Variants in PDE4D observed in about 807,000 individuals in gnomAD.
PDE4D encodes the protein 3',5'-cyclic-AMP phosphodiesterase 4D.
PDE4D carries 24 observed loss-of-function variants against 87.4 expected under a neutral mutation model. The observed-to-expected ratio is 0.27, with a 90% confidence interval of 0.20 to 0.39. The LOEUF (loss-of-function observed/expected upper bound fraction) is 0.39. Among genes scored for constraint, PDE4D ranks in the 10% least tolerant of loss-of-function variants. PDE4D has a pLI of 1.00. For synonymous variants in PDE4D, 384 were observed against 383.2 expected (o/e 1.00, Z -0.02); for missense variants, 714 against 1,041.0 (o/e 0.69, Z 4.32).
intron 1 of PDE4D, among the ~76,000 whole-genome samples, chr5:59,445,132 A>G (rs992829032): frequency 2.6e-5 from 4 of 152,196 alleles, no homozygotes; most frequent in Non-Finnish European, 5.9e-5. Flanking sequence ...CTCTTTACGA[A>G]GCACTAAACC....
At chr5:60,239,483 ACTCTTGT>A (rs1235955492) in intron 1 of PDE4D, among the ~76,000 whole-genome samples, 1 of 152,018 alleles carries the variant, frequency 6.6e-6, no homozygotes. Flanking sequence ...CAACAAAACC[ACTCTTGT>A]GTGAGCTCTT....
chr5:60,167,354 G>A (rs1323238938), intron 2 of PDE4D, among the ~76,000 whole-genome samples: 4 of 135,414 alleles, frequency 3.0e-5, no homozygotes, highest in African/African-American at 5.5e-5. Flanking sequence ...TGCAGGCTCC[G>A]CCCCCTGGGG....
At chr5:60,166,726 AT>A (rs35155097) in intron 2 of PDE4D, among the ~76,000 whole-genome samples, 14 of 151,860 alleles carry the variant, frequency 9.2e-5, no homozygotes, top group African/African-American at 2.7e-4. Flanking sequence ...TCCATTAAGC[AT>A]TTTTTTTAAC....
At chr5:59,954,457 C>T (rs1758622257) in intron 3 of PDE4D, among the ~76,000 whole-genome samples, 1 of 152,032 alleles carries the variant, frequency 6.6e-6, no homozygotes, top group African/African-American at 2.4e-5. Context: ...CAGGATTCAG[C>T]ATGAAAGAGT....
At chr5:59,116,886 G>A (rs1336354048) in intron 5 of PDE4D, among the ~76,000 whole-genome samples, 1 of 152,204 alleles carries the variant, frequency 6.6e-6, no homozygotes, top group East Asian at 1.9e-4. Flanking sequence ...TTTCAAGCAA[G>A]TTTTTAAAAA....
At chr5:59,703,759 G>GTC (rs1752964831) in intron 1 of PDE4D, 1 of 375,656 alleles carries the variant, frequency 2.7e-6, no homozygotes, top group African/African-American at 2.1e-5. Flanking sequence ...GCAGGGCTCT[G>GTC]TCTGTCCTCT....
In PDE4D at chr5:59,985,070, G is replaced by A. The variant is rs140782398; in HGVS notation, c.272+3418C>T. 2.0e-5 allele frequency among the ~76,000 whole-genome samples: 3 copies of A among 151,734 alleles called. No individual in the cohort carries two copies. In the East Asian group the frequency reaches 5.8e-4, roughly 29 times the overall value. On this transcript the variant is annotated intron_variant, in intron 3 of 16. Coordinates refer to the PDE4D transcript ENST00000502484. ...TTTCTGACAGCTGTAAAGGAATCTGGGGCTCCTGGTTAACTAAAATGGCTA... is the reference window on the plus strand; with the variant it reads ...TTTCTGACAGCTGTAAAGGAATCTGAGGCTCCTGGTTAACTAAAATGGCTA...
chr5:59,066,401 G>A (rs750721001), intron 5 of PDE4D, among the ~76,000 whole-genome samples: 8 of 152,120 alleles, frequency 5.3e-5, no homozygotes, highest in Non-Finnish European at 1.0e-4. Context: ...TAGATGGGGA[G>A]GGGACCCAGG....
At chr5:60,423,724 C>T (rs1276043746) in intron 1 of PDE4D, among the ~76,000 whole-genome samples, 3 of 151,810 alleles carry the variant, frequency 2.0e-5, no homozygotes, top group African/African-American at 7.3e-5. Flanking sequence ...TAGAGACACA[C>T]AAAAAACCCT....
At chr5:60,111,589 C>A (rs1456878902) in intron 2 of PDE4D, among the ~76,000 whole-genome samples, 1 of 151,936 alleles carries the variant, frequency 6.6e-6, no homozygotes, top group Non-Finnish European at 1.5e-5. Flanking sequence ...TCTGGACATA[C>A]ATCTTCCCCC....
chr5:60,049,213 C>G (rs1472820906), intron 2 of PDE4D, among the ~76,000 whole-genome samples: 1 of 152,164 alleles, frequency 6.6e-6, no homozygotes, highest in African/African-American at 2.4e-5. Context: ...GTTTTCAGCT[C>G]CATCAGCTCC....
At chr5:59,185,160 A>C in intron 4 of PDE4D, 29 bp downstream of exon 4, 1 of 1,574,702 alleles carries the variant, frequency 6.4e-7, no homozygotes, top group Non-Finnish European at 8.7e-7. Context: ...AGTTCAGCAA[A>C]AAAGAGGGGG....
intron 1 of PDE4D, among the ~76,000 whole-genome samples, chr5:59,645,547 T>G (rs2150212190): frequency 6.6e-6 from 1 of 152,306 alleles, no homozygotes; most frequent in Middle Eastern, 3.4e-3. Context: ...GTTCTCAGTC[T>G]CTTCCCTGTA....
intron 1 of PDE4D, among the ~76,000 whole-genome samples, chr5:59,759,727 C>T (rs1761741488): frequency 6.6e-6 from 1 of 152,156 alleles, no homozygotes; most frequent in African/African-American, 2.4e-5. Flanking sequence ...TTAGGGCTGA[C>T]TGGTCTTCCC....
chr5:59,870,705 C>A (rs1280073692), intron 1 of PDE4D, among the ~76,000 whole-genome samples: 4 of 152,150 alleles, frequency 2.6e-5, no homozygotes, highest in Non-Finnish European at 2.9e-5. Flanking sequence ...CATTTGGGAT[C>A]ACAAACGATT....
At chr5:59,295,556 T>G (rs1004538617) in intron 1 of PDE4D, among the ~76,000 whole-genome samples, 3 of 152,150 alleles carry the variant, frequency 2.0e-5, no homozygotes, top group African/African-American at 7.2e-5. Context: ...GTTCGTAACA[T>G]CAGGCAGAGA....
At chr5:59,983,741 C>A (rs557126771) in intron 3 of PDE4D, among the ~76,000 whole-genome samples, 93 of 152,298 alleles carry the variant, frequency 6.1e-4, no homozygotes, top group African/African-American at 2.2e-3. Flanking sequence ...ACTGTACCTA[C>A]TACGTATTGC....
chr5:59,027,352 TAC>T (rs939577171), intron 6 of PDE4D, among the ~76,000 whole-genome samples: 3 of 152,220 alleles, frequency 2.0e-5, no homozygotes, highest in Non-Finnish European at 2.9e-5. Flanking sequence ...GTTTCTCCAC[TAC>T]AGTTTCTTTT....
chr5:60,489,786 A>C (rs1749426262), upstream of PDE4D: 1 of 152,158 alleles, frequency 6.6e-6, no homozygotes, highest in African/African-American at 2.4e-5. Flanking sequence ...CAAGCCCTTT[A>C]TTGAATTTTC....
Sources: gnomAD v4.1 joint callset for allele counts (sites outside exome capture counted in the v4.1 genomes callset) on GRCh38, gnomAD v4.1.1 for gene constraint, MANE v1.5 for transcripts, NCBI Gene and HGNC (gene_info 2026-07-23, HGNC 2026-07-21) for gene names.